The following FNDC3B variants were observed in gnomAD, a reference collection of about 807,000 sequenced individuals.
FNDC3B encodes fibronectin type III domain containing 3B, also known as fibronectin type III domain-containing protein 3B.
FNDC3B carries 12 observed loss-of-function variants against 151.5 expected under a neutral mutation model. The ratio of observed to expected loss-of-function variants is 0.08; its 90% CI spans 0.05 to 0.13. The LOEUF (loss-of-function observed/expected upper bound fraction) is 0.13, where lower values mean the gene tolerates loss of function less well. Ranked by LOEUF, FNDC3B falls within the 10% of genes least tolerant of loss-of-function variation. The probability of loss-of-function intolerance (pLI) is 1.00; values close to 1 mark genes in which losing one functional copy is unlikely to be tolerated. For synonymous variants in FNDC3B, 528 were observed against 549.0 expected (o/e 0.96, Z 0.54); for missense variants, 1,214 against 1,505.3 (o/e 0.81, Z 3.20).
At chr3:172,161,073 G>A (rs1176609183) in intron 3 of FNDC3B, among the ~76,000 whole-genome samples, 2 of 152,096 alleles carry the variant, frequency 1.3e-5, no homozygotes, top group East Asian at 3.9e-4. Context: ...GACTATTCTT[G>A]GTATGTTATT....
chr3:172,269,547 C>A, intron 6 of FNDC3B, among the ~76,000 whole-genome samples: 1 of 152,086 alleles, frequency 6.6e-6, no homozygotes, highest in Non-Finnish European at 1.5e-5. Flanking sequence ...TGGGATTACA[C>A]CTATGAGCTA....
chr3:172,063,119 CT>C (rs1465748665), intron 1 of FNDC3B, among the ~76,000 whole-genome samples: 2 of 152,088 alleles, frequency 1.3e-5, no homozygotes, highest in Non-Finnish European at 2.9e-5. Context: ...TCGTTATATA[CT>C]TTTGAAGCAA....
chr3:172,362,952 T>C (rs1734437150), intron 23 of FNDC3B, 107 bp downstream of exon 23: 1 of 836,776 alleles, frequency 1.2e-6, no homozygotes, highest in Non-Finnish European at 1.9e-6. Flanking sequence ...TCTTCCTTCT[T>C]GTTCAGAGGC....
intron 1 of FNDC3B, among the ~76,000 whole-genome samples, chr3:172,077,689 A>G (rs997645915): frequency 6.6e-6 from 1 of 152,140 alleles, no homozygotes; most frequent in Non-Finnish European, 1.5e-5. Flanking sequence ...GGTCTCATGT[A>G]GAAAGGCTCC....
chr3:172,384,435 A>G (rs1430283015), intron 25 of FNDC3B, among the ~76,000 whole-genome samples: 3 of 152,256 alleles, frequency 2.0e-5, no homozygotes, highest in Non-Finnish European at 4.4e-5. Context: ...TCTTAGCTCA[A>G]ATAGAGAGCA....
rs749447965 is a variant in FNDC3B, at chr3:172,333,118, A to G, written c.1584A>G (p.Gly528=). The G allele has an allele frequency of 6.2e-7, 1 of 1,613,214 alleles. No individual in the cohort carries two copies. Among genetic ancestry groups the G allele is most frequent in the East Asian group, 2.2e-5 (1 of 44,868 alleles). The change falls in exon 14 of 26, where the codon GGA becomes GGG. Residue 528 remains glycine, a synonymous_variant. Transcript: ENST00000415807. ...ACCTTTTCCACCCAAAATACACTGG[A>G]GAGGATTTAACCTGTACTGTGAAAA... The part of the protein sequence containing the change: ...NDNLFHPKYT[G]EDLTCTVKNL...
intron 6 of FNDC3B, among the ~76,000 whole-genome samples, chr3:172,257,412 C>A (rs555850804): frequency 1.9e-4 from 29 of 152,052 alleles, no homozygotes; most frequent in African/African-American, 6.8e-4. Context: ...TTCACTAAGC[C>A]GTGGTTTCCC....
chr3:172,333,930 C>T (rs904316459), intron 14 of FNDC3B, among the ~76,000 whole-genome samples: 1 of 152,062 alleles, frequency 6.6e-6, no homozygotes, highest in African/African-American at 2.4e-5. Context: ...CATTAACAGC[C>T]ACCATTAATG....
chr3:172,378,670 G>A (rs1735279534), intron 24 of FNDC3B, among the ~76,000 whole-genome samples: 1 of 152,162 alleles, frequency 6.6e-6, no homozygotes, highest in Non-Finnish European at 1.5e-5. Flanking sequence ...AAAAATAATG[G>A]TTAGAAATAA....
At chr3:172,373,824 T>C (rs1379741455) in intron 23 of FNDC3B, among the ~76,000 whole-genome samples, 2 of 152,174 alleles carry the variant, frequency 1.3e-5, no homozygotes, top group Non-Finnish European at 2.9e-5. Flanking sequence ...CCTGGAATGA[T>C]GGGAAATAAT....
chr3:172,310,007 C>T (rs114324091), intron 10 of FNDC3B, among the ~76,000 whole-genome samples: 2,002 of 152,142 alleles, frequency 0.013, 30 homozygotes, highest in Middle Eastern at 0.068. Flanking sequence ...TCGGCCCTGG[C>T]ATGTTTTTGA....
chr3:172,362,505 T>A lies in FNDC3B; in HGVS notation c.2796-128T>A, dbSNP rs1026889315. 4.0e-5 allele frequency: 29 copies of A among 731,218 alleles called. No individual in the cohort carries two copies. In the South Asian group the frequency reaches 5.1e-4, roughly 13 times the overall value. The allele number at this position is 731,218 out of a possible 1,614,324, so 45.3% of individuals were successfully genotyped here. A position where few individuals can be genotyped will look rare whatever the true frequency, so the allele number is the denominator to read the frequency against. On this transcript the variant is annotated intron_variant, in intron 22 of 25. Coordinates refer to ENST00000415807, the MANE Select transcript of FNDC3B (RefSeq NM_022763.4). ...CTATTTGTCTTGAGTTACTTTAACT[T>A]GTTTTTCTTCATTCTATGTTATTGC...
intron 11 of FNDC3B, among the ~76,000 whole-genome samples, chr3:172,317,929 G>A (rs1731891210): frequency 6.6e-6 from 1 of 152,206 alleles, no homozygotes; most frequent in Non-Finnish European, 1.5e-5. Flanking sequence ...ACCAGAAAAA[G>A]CACTTTGTGG....
chr3:172,109,282 C>G (rs1719839314), intron 1 of FNDC3B, among the ~76,000 whole-genome samples: 1 of 151,898 alleles, frequency 6.6e-6, no homozygotes, highest in Admixed American at 6.6e-5. Flanking sequence ...TCTCCTGCCT[C>G]AGCCTCCCAA....
chr3:172,229,664 AT>A (rs1434486922), intron 4 of FNDC3B, among the ~76,000 whole-genome samples: 1 of 152,210 alleles, frequency 6.6e-6, no homozygotes, highest in African/African-American at 2.4e-5. Context: ...GTATCTCAGC[AT>A]CTAGAATACT....
At chr3:172,359,797 C>G (rs1734280098) in intron 22 of FNDC3B, among the ~76,000 whole-genome samples, 1 of 152,078 alleles carries the variant, frequency 6.6e-6, no homozygotes, top group African/African-American at 2.4e-5. Flanking sequence ...GCTTTATCTA[C>G]AAAAGACTTG....
intron 3 of FNDC3B, among the ~76,000 whole-genome samples, chr3:172,217,624 A>G (rs182854897): frequency 3.2e-4 from 48 of 149,816 alleles, no homozygotes; most frequent in African/African-American, 1.1e-3. Context: ...AGCATTATGT[A>G]TTTACACAAT....
At position 172,330,681 on chromosome 3, in the gene FNDC3B, T is replaced by A. The variant is rs763873698; in HGVS notation, c.1520T>A (p.Ile507Asn). The A allele has an allele frequency of 4.3e-6, 7 of 1,614,004 alleles. No homozygotes were observed. Among genetic ancestry groups the A allele is most frequent in the Non-Finnish European group, 5.1e-6 (6 of 1,179,934 alleles). The change falls in exon 13 of 26, where the codon ATC (isoleucine) becomes AAC (asparagine). Residue 507 changes from isoleucine (I) to asparagine (N), a missense_variant. Coordinates refer to ENST00000415807, the MANE Select transcript of FNDC3B (RefSeq NM_022763.4). The stretch of plus-strand genomic sequence containing the variant: ...GAAGGCTGTTCACCCGAGGAAGTGA[T>A]CACCTACACCTTGGAAATTCAGGAG... ...KPEGCSPEEV[I>N]TYTLEIQEDE...
At chr3:172,223,239 C>T (rs1726381616) in intron 3 of FNDC3B, among the ~76,000 whole-genome samples, 1 of 152,150 alleles carries the variant, frequency 6.6e-6, no homozygotes, top group African/African-American at 2.4e-5. Flanking sequence ...CTTTTCGTAC[C>T]ACTATGGTGA....
Sources: gnomAD v4.1 joint callset for allele counts (sites outside exome capture counted in the v4.1 genomes callset) on GRCh38, gnomAD v4.1.1 for gene constraint, MANE v1.5 for transcripts, NCBI Gene and HGNC (gene_info 2026-07-23, HGNC 2026-07-21) for gene names.